Variants in PTPRN2 observed in about 807,000 individuals in gnomAD.
The protein encoded by PTPRN2 is receptor-type tyrosine-protein phosphatase N2.
PTPRN2 carries 74 observed loss-of-function variants against 118.8 expected under a neutral mutation model. The ratio of observed to expected loss-of-function variants is 0.62; its 90% CI spans 0.52 to 0.76. PTPRN2 has a LOEUF of 0.76. Ranked by LOEUF, PTPRN2 falls within the 30% of genes least tolerant of loss-of-function variation. The pLI is 0.00. For synonymous variants in PTPRN2, 641 were observed against 608.0 expected (o/e 1.05, Z -0.80); for missense variants, 1,481 against 1,394.4 (o/e 1.06, Z -0.99).
chr7:158,057,955 G>C (rs944121293), intron 11 of PTPRN2, among the ~76,000 whole-genome samples: 5 of 152,202 alleles, frequency 3.3e-5, no homozygotes, highest in South Asian at 2.1e-4. Flanking sequence ...TAATGGGAAA[G>C]TTTCCCTCCT....
At chr7:157,653,227 C>A (rs879506689) in intron 14 of PTPRN2, among the ~76,000 whole-genome samples, 2 of 152,194 alleles carry the variant, frequency 1.3e-5, no homozygotes, top group Non-Finnish European at 2.9e-5. Flanking sequence ...TCAGATGCCA[C>A]GTTTTGTCCA....
intron 2 of PTPRN2, among the ~76,000 whole-genome samples, chr7:158,414,098 A>T (rs997737860): frequency 6.7e-6 from 1 of 148,564 alleles, no homozygotes; most frequent in Non-Finnish European, 1.5e-5. Flanking sequence ...AAAGGAAGCA[A>T]GGGGATTCCT....
chr7:158,165,134 A>AGAGTGCAGGAGGCAGTG (rs1491363576), intron 6 of PTPRN2, among the ~76,000 whole-genome samples: 3 of 28,308 alleles, frequency 1.1e-4, no homozygotes, highest in Admixed American at 5.7e-4. Flanking sequence ...TCTAGTACAC[A>AGAGTGCAGGAGGCAGTG]AAGAGTGCAG....
chr7:157,669,634 A>T (rs981986223), intron 13 of PTPRN2: 30 of 414,464 alleles, frequency 7.2e-5, no homozygotes, highest in Non-Finnish European at 1.4e-4. Context: ...ATATGGAGTG[A>T]GTTCTTCCCA....
At position 157,902,257 on chromosome 7, in the gene PTPRN2, G is replaced by A. The variant is rs182045936; in HGVS notation, c.1724-3520C>T. 1.1e-4 allele frequency among the ~76,000 whole-genome samples: 16 copies of A among 152,370 alleles called. No homozygotes were observed. In the East Asian group the frequency reaches 2.7e-3, roughly 26 times the overall value. ...GTCAGCTGCGGCCAATAGTGACTCA[G>A]AGGATGATCTTGTTGGCTGCAGTGG... On this transcript the variant is annotated intron_variant, in intron 11 of 22. Transcript: ENST00000389418.
intron 21 of PTPRN2, among the ~76,000 whole-genome samples, chr7:157,556,589 A>C (rs1201082894): frequency 1.3e-5 from 2 of 150,544 alleles, no homozygotes; most frequent in Admixed American, 6.6e-5. Flanking sequence ...ACATTCATGC[A>C]CACATCCAAA....
rs147589530 is a variant in PTPRN2, at chr7:157,681,717, C to T, written c.2001+1008G>A. ...AGCAGGAGGGTATGGTGCTGGAGGG[C>T]GCTTTGTGGAGAGAGCTTGAGAGCC... On this transcript the variant is annotated intron_variant, in intron 13 of 22. Coordinates refer to ENST00000389418, the MANE Select transcript of PTPRN2 (RefSeq NM_002847.5). Among the ~76,000 whole-genome samples the T allele has an allele frequency of 2.5e-4, 38 of 152,190 alleles. No individual in the cohort carries two copies. In the East Asian group the frequency reaches 5.4e-3, roughly 22 times the overall value.
intron 3 of PTPRN2, among the ~76,000 whole-genome samples, chr7:158,313,107 AGT>A (rs1422933623): frequency 3.3e-5 from 5 of 151,630 alleles, no homozygotes; most frequent in Non-Finnish European, 5.9e-5. Context: ...TGAGTGTGCA[AGT>A]GTGTGTGCAA....
At chr7:158,155,495 A>AT in intron 6 of PTPRN2, among the ~76,000 whole-genome samples, 1 of 120,276 alleles carries the variant, frequency 8.3e-6, no homozygotes, top group Non-Finnish European at 1.8e-5. Context: ...CATCACCATC[A>AT]CCATCATCAC....
intron 2 of PTPRN2, among the ~76,000 whole-genome samples, chr7:158,487,681 C>A (rs1347462600): frequency 6.6e-6 from 1 of 152,122 alleles, no homozygotes; most frequent in Non-Finnish European, 1.5e-5. Context: ...CGCCCCCCAC[C>A]GCACCCTGGG....
intron 12 of PTPRN2, among the ~76,000 whole-genome samples, chr7:157,892,748 C>A (rs755724383): frequency 6.6e-6 from 1 of 152,142 alleles, no homozygotes; most frequent in Non-Finnish European, 1.5e-5. Context: ...TCAACTTGTA[C>A]CCCTTTCTCC....
Position 157,615,555 on chromosome 7 carries a change from C to G in PTPRN2, c.2344+5807G>C, listed in dbSNP as rs901018959. ...CAAGGCCGGGCCGTGGAAACAATCT[C>G]AGCCCTGGAACCAGCGCCTGGGAAG... On this transcript the variant is annotated intron_variant, in intron 15 of 22. Coordinates refer to ENST00000389418, the MANE Select transcript of PTPRN2 (RefSeq NM_002847.5). The surrounding 1 kb of genome is among the most constrained non-coding windows in gnomAD (Gnocchi z 4.3). 3 of 471,132 alleles carry G rather than the reference C, an allele frequency of 6.4e-6. No individual in the cohort carries two copies. Among genetic ancestry groups the G allele is most frequent in the African/African-American group, 6.0e-5 (3 of 50,104 alleles). The allele number at this position is 471,132 out of a possible 1,614,324, so 29.2% of individuals were successfully genotyped here.
At position 157,903,096 on chromosome 7, in the gene PTPRN2, G is replaced by A. The variant is rs555115075; in HGVS notation, c.1724-4359C>T. ...CACACGCTGCCACACACTCTCACACGGAAGCAGGAACCAGACATCATCAGA... is the reference window on the plus strand; with the variant it reads ...CACACGCTGCCACACACTCTCACACAGAAGCAGGAACCAGACATCATCAGA... On this transcript the variant is annotated intron_variant, in intron 11 of 22. Coordinates refer to ENST00000389418, the MANE Select transcript of PTPRN2 (RefSeq NM_002847.5). This position sits in a 1 kb window ranked among gnomAD's most constrained non-coding sequence, Gnocchi z 4.2. 1.3e-5 allele frequency among the ~76,000 whole-genome samples: 2 copies of A among 152,172 alleles called. No individual in the cohort carries two copies. Among genetic ancestry groups the A allele is most frequent in the South Asian group, 2.1e-4 (1 of 4,810 alleles).
chr7:157,582,658 G>A lies in PTPRN2; in HGVS notation c.2497-4518C>T, dbSNP rs560559715. ...TGGGAGGCCGAGGCAGGTGGATCACGAGGTCAGGAGTTCGAGACCAGCCTG... is the reference window on the plus strand; with the variant it reads ...TGGGAGGCCGAGGCAGGTGGATCACAAGGTCAGGAGTTCGAGACCAGCCTG... On this transcript the variant is annotated intron_variant, in intron 17 of 22. Coordinates refer to ENST00000389418, the MANE Select transcript of PTPRN2 (RefSeq NM_002847.5). Among the ~76,000 whole-genome samples, 5 of 150,962 alleles carry A rather than the reference G, an allele frequency of 3.3e-5. No individual in the cohort carries two copies. In the East Asian group the frequency reaches 5.8e-4, roughly 18 times the overall value.
intron 1 of PTPRN2, among the ~76,000 whole-genome samples, chr7:158,523,621 TGGAGTCATCTGCCCTGGAGC>T (rs1824449689): frequency 3.1e-5 from 1 of 32,428 alleles, no homozygotes; most frequent in Non-Finnish European, 6.2e-5. Context: ...TGCCCTGGAG[TGGAGTCATCTGCCCTGGAGC>T]GGAGTCTGCC....
intron 11 of PTPRN2, among the ~76,000 whole-genome samples, chr7:157,956,971 C>A (rs1262727805): frequency 6.6e-6 from 1 of 152,190 alleles, no homozygotes; most frequent in Non-Finnish European, 1.5e-5. Flanking sequence ...TGAGCCCATT[C>A]TGTTTTGAAT....
intron 1 of PTPRN2, among the ~76,000 whole-genome samples, chr7:158,557,368 G>A (rs376001846): frequency 2.7e-5 from 4 of 150,326 alleles, no homozygotes; most frequent in African/African-American, 9.8e-5. Context: ...CGCAGGTCAG[G>A]CGGCTCCCAC....
At chr7:158,094,121 A>C (rs1303439501) in intron 10 of PTPRN2, among the ~76,000 whole-genome samples, 2 of 152,172 alleles carry the variant, frequency 1.3e-5, no homozygotes, top group Admixed American at 1.3e-4. Context: ...TTTGAACTTT[A>C]GAAGCATTTG....
chr7:158,354,636 G>A (rs2151274698), intron 2 of PTPRN2, among the ~76,000 whole-genome samples: 1 of 152,204 alleles, frequency 6.6e-6, no homozygotes, highest in Admixed American at 6.5e-5. Context: ...ACAATCAGAG[G>A]AGGAAAAAGA....
Sources: gnomAD v4.1 joint callset for allele counts (sites outside exome capture counted in the v4.1 genomes callset) on GRCh38, gnomAD v4.1.1 for gene constraint, Gnocchi (gnomAD v3.1) non-coding constraint, MANE v1.5 for transcripts, NCBI Gene and HGNC (gene_info 2026-07-23, HGNC 2026-07-21) for gene names.